The following PXDNL variants were observed in gnomAD, a reference collection of about 807,000 sequenced individuals.
The protein encoded by PXDNL is probable oxidoreductase PXDNL.
In PXDNL, 145 loss-of-function variants were observed where a neutral mutation model predicts 150.8. The ratio of observed to expected loss-of-function variants is 0.96; its 90% CI spans 0.84 to 1.10. The LOEUF (loss-of-function observed/expected upper bound fraction) is 1.10. Among genes scored for constraint, PXDNL ranks in the 50% least tolerant of loss-of-function variants. The pLI, the probability that PXDNL is intolerant of heterozygous loss-of-function variation, is 0.00. For missense variants in PXDNL, 2,087 were observed against 1,873.9 expected (o/e 1.11, Z -2.10); for synonymous variants, 757 against 725.7 (o/e 1.04, Z -0.69).
intron 5 of PXDNL, among the ~76,000 whole-genome samples, chr8:51,498,102 T>G (rs543617057): frequency 6.6e-6 from 1 of 151,762 alleles, no homozygotes; most frequent in Non-Finnish European, 1.5e-5. Flanking sequence ...TATGCAGCCA[T>G]AAAAAGTGAT....
chr8:51,592,608 G>T lies in PXDNL; in HGVS notation c.308+19C>A, dbSNP rs1276340361. The T allele has an allele frequency of 1.3e-6, 2 of 1,503,286 alleles. No individual in the cohort carries two copies. Among genetic ancestry groups the T allele is most frequent in the African/African-American group, 2.8e-5 (2 of 71,662 alleles). 93.1% of individuals were successfully genotyped at this position (1,503,286 alleles called of 1,614,324 possible). A position where few individuals can be genotyped will look rare whatever the true frequency, so the allele number is the denominator to read the frequency against. On this transcript the variant is annotated intron_variant, in intron 3 of 22. Coordinates refer to ENST00000356297, the MANE Select transcript of PXDNL (RefSeq NM_144651.5). Reference sequence around the variant, plus strand: ...TCAAACAACACCATAAGGCATTGTTGTTTTTTCTTATAACTTACAGATATA... The same window carrying T: ...TCAAACAACACCATAAGGCATTGTTTTTTTTTCTTATAACTTACAGATATA...
intron 1 of PXDNL, among the ~76,000 whole-genome samples, chr8:51,771,334 T>C (rs1243272648): frequency 6.6e-6 from 1 of 152,224 alleles, no homozygotes; most frequent in Non-Finnish European, 1.5e-5. Flanking sequence ...AAACATTGAA[T>C]TAGAGTTATA....
At chr8:51,413,003 A>G in intron 15 of PXDNL, 147 bp downstream of exon 15, 1 of 588,010 alleles carries the variant, frequency 1.7e-6, no homozygotes, top group South Asian at 2.2e-5. Context: ...ACTGATAATG[A>G]TGGCTAGCCC....
At chr8:51,562,330 T>A (rs1812735218) in intron 3 of PXDNL, among the ~76,000 whole-genome samples, 1 of 151,918 alleles carries the variant, frequency 6.6e-6, no homozygotes, top group Non-Finnish European at 1.5e-5. Flanking sequence ...ACTTATTTTA[T>A]CCCTCCATGC....
chr8:51,611,246 A>G (rs1001510640), intron 2 of PXDNL, among the ~76,000 whole-genome samples: 1 of 152,228 alleles, frequency 6.6e-6, no homozygotes, highest in Non-Finnish European at 1.5e-5. Flanking sequence ...TGTTTTATTT[A>G]GGGATATATG....
chr8:51,325,454 G>C (rs1162157153), intron 21 of PXDNL, among the ~76,000 whole-genome samples: 1 of 152,170 alleles, frequency 6.6e-6, no homozygotes, highest in Non-Finnish European at 1.5e-5. Context: ...CTTCATTACT[G>C]CTGGGTAGAG....
rs367577266 is a variant in PXDNL, at chr8:51,403,386, C to A, written c.3557+4681G>T. The stretch of plus-strand genomic sequence containing the variant: ...AGGAGTAGATGCCAAGGAACCACAC[C>A]CAGCCCCCACCCACCTCTCCCGGAA... On this transcript the variant is annotated intron_variant, in intron 17 of 22. Coordinates refer to ENST00000356297, the MANE Select transcript of PXDNL (RefSeq NM_144651.5). 7.2e-5 allele frequency among the ~76,000 whole-genome samples: 11 copies of A among 152,204 alleles called. No homozygotes were observed. The East Asian group carries it at 2.1e-3, about 29-fold the overall frequency.
chr8:51,364,923 C>T (rs1380543693), intron 19 of PXDNL, among the ~76,000 whole-genome samples: 1 of 152,030 alleles, frequency 6.6e-6, no homozygotes, highest in Non-Finnish European at 1.5e-5. Context: ...CTATGTTATA[C>T]AACAGACTTT....
intron 17 of PXDNL, among the ~76,000 whole-genome samples, chr8:51,389,912 T>G (rs183423285): frequency 2.6e-5 from 4 of 152,276 alleles, no homozygotes; most frequent in Admixed American, 2.6e-4. Flanking sequence ...TTCCCCATAA[T>G]GGAACAGGCA....
At chr8:51,517,713 T>C (rs1811574589) in intron 4 of PXDNL, among the ~76,000 whole-genome samples, 2 of 152,252 alleles carry the variant, frequency 1.3e-5, no homozygotes, top group Admixed American at 6.5e-5. Flanking sequence ...TTTTCCTAAC[T>C]GGTGACAAGC....
intron 4 of PXDNL, among the ~76,000 whole-genome samples, chr8:51,517,185 T>C (rs2130368630): frequency 6.6e-6 from 1 of 152,258 alleles, no homozygotes; most frequent in South Asian, 2.1e-4. Context: ...GTATCAAGTA[T>C]CCACCCTGAG....
intron 1 of PXDNL, among the ~76,000 whole-genome samples, chr8:51,703,861 GA>G (rs1289773574): frequency 1.3e-5 from 2 of 152,176 alleles, no homozygotes; most frequent in Non-Finnish European, 2.9e-5. Context: ...AATTAATTTA[GA>G]ATGTTTGCCT....
At chr8:51,529,082 C>T (rs947979266) in intron 4 of PXDNL, among the ~76,000 whole-genome samples, 5 of 152,152 alleles carry the variant, frequency 3.3e-5, no homozygotes, top group African/African-American at 1.2e-4. Flanking sequence ...TGGACGATGT[C>T]AGGTTTTTTA....
chr8:51,530,619 C>T (rs1228256224), intron 4 of PXDNL, among the ~76,000 whole-genome samples: 2 of 152,180 alleles, frequency 1.3e-5, no homozygotes, highest in Non-Finnish European at 2.9e-5. Flanking sequence ...CACATCTGCC[C>T]AACCAGCTCC....
chr8:51,472,149 A>G lies in PXDNL; in HGVS notation c.812+38T>C, dbSNP rs200807496. The G allele has an allele frequency of 2.3e-6, 3 of 1,316,386 alleles. No homozygotes were observed. In the African/African-American group the frequency reaches 4.3e-5, roughly 19 times the overall value. The allele number at this position is 1,316,386 out of a possible 1,614,324, so 81.5% of individuals were successfully genotyped here. A position where few individuals can be genotyped will look rare whatever the true frequency, so the allele number is the denominator to read the frequency against. On this transcript the variant is annotated intron_variant, in intron 8 of 22. Coordinates refer to ENST00000356297, the MANE Select transcript of PXDNL (RefSeq NM_144651.5). ...GAGTTAAAAAGATTGCTGGAATCAG[A>G]AGGAGAATCACAACCCATGTCCATG...
chr8:51,374,937 C>A (rs1807257585), intron 17 of PXDNL, among the ~76,000 whole-genome samples: 1 of 152,152 alleles, frequency 6.6e-6, no homozygotes, highest in African/African-American at 2.4e-5. Flanking sequence ...AGAGTCATAA[C>A]CTAACCAAGG....
At chr8:51,515,437 A>T (rs1056297658) in intron 4 of PXDNL, among the ~76,000 whole-genome samples, 3 of 152,192 alleles carry the variant, frequency 2.0e-5, no homozygotes, top group Admixed American at 2.0e-4. Flanking sequence ...AGTGCCCGGC[A>T]TCCATGTTCT....
intron 17 of PXDNL, among the ~76,000 whole-genome samples, chr8:51,384,669 G>A (rs755189755): frequency 3.9e-5 from 6 of 152,002 alleles, no homozygotes; most frequent in Non-Finnish European, 7.4e-5. Context: ...TAACTCAAGC[G>A]ACTTTTGTTT....
At chr8:51,753,008 A>G (rs1167738982) in intron 1 of PXDNL, among the ~76,000 whole-genome samples, 1 of 152,242 alleles carries the variant, frequency 6.6e-6, no homozygotes, top group African/African-American at 2.4e-5. Context: ...GACTGCCAAC[A>G]TGCGGCTGCC....
Sources: gnomAD v4.1 joint callset for allele counts (sites outside exome capture counted in the v4.1 genomes callset) on GRCh38, gnomAD v4.1.1 for gene constraint, MANE v1.5 for transcripts, NCBI Gene and HGNC (gene_info 2026-07-23, HGNC 2026-07-21) for gene names.